The following XAGE2 variants were observed in gnomAD, a reference collection of about 807,000 sequenced individuals.
XAGE2 encodes G antigen family D member 3.
In XAGE2, 7 loss-of-function variants were observed where a neutral mutation model predicts 9.9. The ratio of observed to expected loss-of-function variants is 0.71; its 90% CI spans 0.40 to 1.32. The LOEUF is 1.32. Ranked by LOEUF, XAGE2 falls within the 40% of genes most tolerant of loss-of-function variation. The pLI is 0.01. For missense variants in XAGE2, 85 were observed against 81.0 expected (o/e 1.05, Z -0.19); for synonymous variants, 31 against 26.8 (o/e 1.16, Z -0.48).
At chrX:52,373,452 G>A (rs1300577358) in intron 4 of XAGE2, among the ~76,000 whole-genome samples, 12 of 111,561 alleles carry the variant, frequency 1.1e-4, no homozygotes, top group African/African-American at 3.9e-4. Flanking sequence ...TCTACTTTCT[G>A]TGGCCAATGA....
chrX:52,373,537 C>A (rs1229599505), intron 4 of XAGE2, among the ~76,000 whole-genome samples: 1 of 111,339 alleles, frequency 9.0e-6, no homozygotes, highest in African/African-American at 3.3e-5. Context: ...GCTTTTTGCT[C>A]TCCTGTCAGT....
intron 3 of XAGE2, 146 bp from the exon 4 acceptor site, chrX:52,372,398 C>A: frequency 1.3e-6 from 1 of 768,588 alleles, no homozygotes; most frequent in Non-Finnish European, 1.9e-6. Context: ...TACAGGAAAA[C>A]AAAAGTGTGA....
intron 4 of XAGE2, among the ~76,000 whole-genome samples, chrX:52,373,090 G>T (rs1921232775): frequency 8.9e-6 from 1 of 112,417 alleles, no homozygotes; most frequent in Admixed American, 9.4e-5. Flanking sequence ...ACCCATCTTT[G>T]CTGTTATTGA....
Position 52,369,868 on chromosome X carries a change from C to A in XAGE2, c.-8-139C>A, listed in dbSNP as rs1402438158. The A allele has an allele frequency of 4.7e-6, 3 of 643,605 alleles. No individual in the cohort carries two copies. In the Admixed American group the frequency reaches 7.3e-5, roughly 16 times the overall value. The allele number at this position is 643,605 out of a possible 1,213,427, so 53.0% of individuals were successfully genotyped here. On this transcript the variant is annotated intron_variant, in intron 1 of 4. Transcript: ENST00000286049. The stretch of plus-strand genomic sequence containing the variant: ...GCATTCGATTCAGAAGATGTACACA[C>A]TTCTAGTTGCCCTGGGACTTACTTT...
intron 3 of XAGE2, among the ~76,000 whole-genome samples, chrX:52,371,593 G>A (rs907810982): frequency 2.7e-5 from 3 of 111,853 alleles, no homozygotes; most frequent in Admixed American, 9.5e-5. Context: ...TAAAGTTGAC[G>A]GAATTTGGAC....
At chrX:52,374,455 A>T (rs1028805454) in intron 4 of XAGE2, among the ~76,000 whole-genome samples, 6 of 110,982 alleles carry the variant, frequency 5.4e-5, no homozygotes, top group Non-Finnish European at 1.1e-4. Context: ...CTGTTCTCGA[A>T]CTCCTGACCT....
At chrX:52,369,868 C>G in intron 1 of XAGE2, 139 bp from the exon 2 acceptor site, 3 of 644,776 alleles carry the variant, frequency 4.7e-6, no homozygotes, top group Non-Finnish European at 7.7e-6. Flanking sequence ...GATGTACACA[C>G]TTCTAGTTGC....
At chrX:52,375,049 C>A (rs1921281108) in intron 4 of XAGE2, among the ~76,000 whole-genome samples, 1 of 111,743 alleles carries the variant, frequency 8.9e-6, no homozygotes, top group Admixed American at 9.5e-5. Context: ...CAATACTGTC[C>A]TTTCTATTCA....
chrX:52,370,024 C>T lies in XAGE2; in HGVS notation c.10C>T (p.Arg4Ter), dbSNP rs1226670300. The change falls in exon 2 of 5, where the codon CGA becomes TGA. Residue 4 changes from arginine (R) to a stop codon, truncating the protein, a stop_gained. Transcript: ENST00000286049. LOFTEE classifies it high-confidence loss of function. MSW[R>*]GRSTYRPRPR... The stretch of plus-strand genomic sequence containing the variant: ...GTTTGCAGAGTGAAATATGAGTTGG[C>T]GAGGAAGATCAACATATAGGCCTAG... 21 of 1,210,615 alleles carry T rather than the reference C, an allele frequency of 1.7e-5. No individual in the cohort carries two copies. The highest frequency in any genetic ancestry group is 4.4e-5 in the Admixed American group (2 of 45,943).
intron 4 of XAGE2, among the ~76,000 whole-genome samples, chrX:52,374,392 C>T (rs1921263665): frequency 9.0e-6 from 1 of 110,916 alleles, no homozygotes; most frequent in Non-Finnish European, 1.9e-5. Context: ...ACCACCATGC[C>T]TGGCTATTTT....
chrX:52,374,226 A>C (rs1172422079), intron 4 of XAGE2, among the ~76,000 whole-genome samples: 1 of 111,782 alleles, frequency 8.9e-6, no homozygotes, highest in Non-Finnish European at 1.9e-5. Flanking sequence ...AAGTAAATAC[A>C]TTCTTTTGTT....
chrX:52,375,359 T>C (rs994261762), intron 4 of XAGE2, among the ~76,000 whole-genome samples: 1 of 111,806 alleles, frequency 8.9e-6, no homozygotes, highest in Non-Finnish European at 1.9e-5. Context: ...AAGCAGGGTG[T>C]GTTTAAAAAA....
At chrX:52,372,213 T>G (rs1921209168) in intron 3 of XAGE2, among the ~76,000 whole-genome samples, 1 of 109,923 alleles carries the variant, frequency 9.1e-6, no homozygotes, top group African/African-American at 3.3e-5. Flanking sequence ...ATACAAAAAT[T>G]AGCCTTGGTG....
In XAGE2 at chrX:52,372,617, T is replaced by A; in HGVS notation, c.261T>A (p.Asp87Glu). ...KTGDGCEGGT[D>E]VKGKILPKAE... ...GGGATGGATGTGAAGGTGGTACTGA[T>A]GTCAAGGGGAAGATTCTACCAAAAG... The change falls in exon 4 of 5, where the codon GAT becomes GAA. Residue 87 changes from aspartate (D) to glutamate (E), a missense_variant. By Grantham distance (45) the Asp-to-Glu change is conservative. Coordinates refer to ENST00000286049, the MANE Select transcript of XAGE2 (RefSeq NM_130777.3). 3.3e-6 allele frequency: 4 copies of A among 1,211,660 alleles called. No homozygotes were observed. Among genetic ancestry groups the A allele is most frequent in the Non-Finnish European group, 4.5e-6 (4 of 895,271 alleles).
rs1267869072 is a variant in XAGE2, at chrX:52,370,708, G to A, written c.187+36G>A. 7 of 1,143,953 alleles carry A rather than the reference G, an allele frequency of 6.1e-6. No homozygotes were observed. In the Admixed American group the frequency reaches 6.7e-5, roughly 11 times the overall value. 94.3% of individuals were successfully genotyped at this position (1,143,953 alleles called of 1,213,427 possible). A position where few individuals can be genotyped will look rare whatever the true frequency, so the allele number is the denominator to read the frequency against. On this transcript the variant is annotated intron_variant, in intron 3 of 4. Coordinates refer to ENST00000286049, the MANE Select transcript of XAGE2 (RefSeq NM_130777.3). ...AGGAAAGAAATAATGCCTATAGGGG[G>A]AAGGAGGCCTATGTGTCCATCATGC...
chrX:52,375,417 A>C, intron 4 of XAGE2, 152 bp from the exon 5 acceptor site: 1 of 481,215 alleles, frequency 2.1e-6, no homozygotes, highest in Admixed American at 3.9e-5. Context: ...GTCTCCACAG[A>C]GGTCTAATTG....
chrX:52,373,657 TAAAG>T (rs1336415373), intron 4 of XAGE2, among the ~76,000 whole-genome samples: 9 of 112,121 alleles, frequency 8.0e-5, no homozygotes, highest in African/African-American at 2.9e-4. Flanking sequence ...TGATAGGACT[TAAAG>T]TTCAAAGACT....
intron 4 of XAGE2, among the ~76,000 whole-genome samples, chrX:52,375,000 C>T (rs1487240844): frequency 2.7e-5 from 3 of 111,679 alleles, no homozygotes; most frequent in Non-Finnish European, 5.6e-5. Context: ...CCCAAAGCAA[C>T]ATTTTTGCAC....
intron 1 of XAGE2, 135 bp downstream of exon 1, chrX:52,369,349 G>C (rs1480872397): frequency 8.8e-6 from 1 of 113,042 alleles, no homozygotes; most frequent in Non-Finnish European, 1.8e-5. Flanking sequence ...TGAAGATAGG[G>C]TGAATGCTCG....
Sources: allele counts gnomAD v4.1 joint callset (sites outside exome capture counted in the v4.1 genomes callset), GRCh38; gene constraint gnomAD v4.1.1; transcripts MANE v1.5; gene names NCBI Gene and HGNC (gene_info 2026-07-23, HGNC 2026-07-21).